Variants in RAB31 observed in about 807,000 individuals in gnomAD.
RAB31 encodes RAB31, member RAS oncogene family, also known as ras-related protein Rab-31.
RAB31 carries 21 observed loss-of-function variants against 25.6 expected under a neutral mutation model. That is an observed-to-expected ratio of 0.82 (90% CI 0.58 to 1.18). RAB31 has a LOEUF of 1.18. Among genes scored for constraint, RAB31 ranks in the 50% most tolerant of loss-of-function variants. RAB31 has a pLI of 0.00. For synonymous variants in RAB31, 87 were observed against 84.0 expected (o/e 1.04, Z -0.20); for missense variants, 196 against 250.1 (o/e 0.78, Z 1.46).
At chr18:9,800,426 A>G (rs1006415520) in intron 3 of RAB31, among the ~76,000 whole-genome samples, 4 of 152,246 alleles carry the variant, frequency 2.6e-5, no homozygotes, top group African/African-American at 9.6e-5. Flanking sequence ...TTGACTTTCC[A>G]TGGCTCTGAA....
chr18:9,780,989 G>A (rs1389792346), intron 2 of RAB31, among the ~76,000 whole-genome samples: 1 of 152,038 alleles, frequency 6.6e-6, no homozygotes, highest in African/African-American at 2.4e-5. Context: ...ATGTTATGAT[G>A]TACCTCGTTG....
chr18:9,780,713 C>A (rs999859855), intron 2 of RAB31, among the ~76,000 whole-genome samples: 1 of 152,158 alleles, frequency 6.6e-6, no homozygotes, highest in Admixed American at 6.5e-5. Flanking sequence ...AATGGATCAC[C>A]TGAAGTCGGG....
At chr18:9,819,072 G>A (rs1030093505) in intron 5 of RAB31, among the ~76,000 whole-genome samples, 1 of 152,104 alleles carries the variant, frequency 6.6e-6, no homozygotes, top group African/African-American at 2.4e-5. Flanking sequence ...CTCTCATCCT[G>A]TGGATTATCT....
At chr18:9,741,583 G>C (rs2068179490) in intron 1 of RAB31, among the ~76,000 whole-genome samples, 6 of 152,048 alleles carry the variant, frequency 3.9e-5, no homozygotes, top group Admixed American at 3.9e-4. Flanking sequence ...TTCTGTGCTG[G>C]GAGGAAGGGG....
intron 5 of RAB31, among the ~76,000 whole-genome samples, chr18:9,830,989 G>A (rs1305150605): frequency 1.3e-5 from 2 of 152,174 alleles, no homozygotes; most frequent in Non-Finnish European, 2.9e-5. Flanking sequence ...CATACGTTGC[G>A]TGTCATGTGC....
At chr18:9,827,160 C>T (rs954729068) in intron 5 of RAB31, among the ~76,000 whole-genome samples, 3 of 152,064 alleles carry the variant, frequency 2.0e-5, no homozygotes, top group Admixed American at 2.0e-4. Flanking sequence ...TGGACATTGG[C>T]CTTCATTTCA....
chr18:9,795,823 G>A (rs1218908372), intron 3 of RAB31, among the ~76,000 whole-genome samples: 1 of 152,170 alleles, frequency 6.6e-6, no homozygotes, highest in African/African-American at 2.4e-5. Context: ...AAAACAGTAT[G>A]GAGATTCCTT....
chr18:9,816,159 G>T, intron 5 of RAB31: 1 of 220,566 alleles, frequency 4.5e-6, no homozygotes, highest in South Asian at 6.9e-5. Flanking sequence ...TGTCATCCCT[G>T]AGTGTACAAA....
intron 2 of RAB31, chr18:9,785,204 G>T: frequency 6.4e-6 from 1 of 155,834 alleles, no homozygotes; most frequent in Non-Finnish European, 1.4e-5. Flanking sequence ...CTCTATACAG[G>T]GACCTGATGT....
intron 5 of RAB31, among the ~76,000 whole-genome samples, chr18:9,840,765 G>GT (rs1331758671): frequency 6.6e-6 from 1 of 152,078 alleles, no homozygotes; most frequent in Non-Finnish European, 1.5e-5. Flanking sequence ...GTATCCCCAA[G>GT]TTATCTGCAT....
intron 1 of RAB31, among the ~76,000 whole-genome samples, chr18:9,771,570 C>G (rs1478330949): frequency 6.6e-6 from 1 of 152,154 alleles, no homozygotes. Context: ...GTGTCACAGC[C>G]CTAGCGAGTT....
intron 2 of RAB31, among the ~76,000 whole-genome samples, chr18:9,784,110 C>T (rs1251370533): frequency 6.6e-6 from 1 of 152,146 alleles, no homozygotes; most frequent in African/African-American, 2.4e-5. Context: ...AATCATGGCT[C>T]ACTGTACCCT....
rs182635410 is a variant in RAB31 at position 9,753,579 on chromosome 18, G to A, written c.40-21699G>A. 4.0e-4 allele frequency among the ~76,000 whole-genome samples: 61 copies of A among 152,290 alleles called. 1 individual carries two copies. The highest frequency in any genetic ancestry group is 1.4e-3 in the African/African-American group (60 of 41,542). ...GTACTATAAATAACAGAAAATGGAT[G>A]GAGACAGATACCTTGGCTCTGAGCT... is the stretch of plus-strand genomic sequence containing the variant. On this transcript the variant is annotated intron_variant, in intron 1 of 6. Transcript: ENST00000578921.
intron 5 of RAB31, among the ~76,000 whole-genome samples, chr18:9,823,509 G>A (rs2068633889): frequency 6.6e-6 from 1 of 152,168 alleles, no homozygotes; most frequent in Admixed American, 6.5e-5. Flanking sequence ...TGACCATTTA[G>A]GGAAACTGGG....
chr18:9,747,690 G>T (rs141723503), intron 1 of RAB31, among the ~76,000 whole-genome samples: 1 of 152,340 alleles, frequency 6.6e-6, no homozygotes, highest in Non-Finnish European at 1.5e-5. Flanking sequence ...ATATGTGATT[G>T]CCAGGGGTGG....
At chr18:9,812,123 A>G (rs1177939717) in intron 3 of RAB31, among the ~76,000 whole-genome samples, 13 of 152,172 alleles carry the variant, frequency 8.5e-5, no homozygotes, top group Admixed American at 1.3e-4. Flanking sequence ...TCTCCTTATA[A>G]GGGACTAATC....
At chr18:9,788,012 A>G (rs1023053192) in intron 2 of RAB31, among the ~76,000 whole-genome samples, 3 of 152,236 alleles carry the variant, frequency 2.0e-5, no homozygotes, top group African/African-American at 4.8e-5. Context: ...TCATGACATG[A>G]TATCTATCAA....
chr18:9,830,085 T>G (rs1420641465), intron 5 of RAB31, among the ~76,000 whole-genome samples: 2 of 151,760 alleles, frequency 1.3e-5, no homozygotes, highest in African/African-American at 2.4e-5. Flanking sequence ...ACTGCAGCCT[T>G]GAACTCCTGG....
chr18:9,719,756 A>G (rs1302971714), intron 1 of RAB31, among the ~76,000 whole-genome samples: 1 of 151,650 alleles, frequency 6.6e-6, no homozygotes, highest in Non-Finnish European at 1.5e-5. Flanking sequence ...TATTCTCTCC[A>G]CTTCACACGA....
Sources: allele counts gnomAD v4.1 joint callset (sites outside exome capture counted in the v4.1 genomes callset), GRCh38; gene constraint gnomAD v4.1.1; transcripts MANE v1.5; gene names NCBI Gene and HGNC (gene_info 2026-07-23, HGNC 2026-07-21).